F11: variants seen among roughly 807,000 people sequenced by gnomAD.
F11 encodes coagulation factor XI.
Under a neutral mutation model 76.5 loss-of-function variants are expected in F11, and 78 were observed. The ratio of observed to expected loss-of-function variants is 1.02; its 90% CI spans 0.85 to 1.23. The LOEUF (loss-of-function observed/expected upper bound fraction) is 1.23. F11 is among the 50% of genes most tolerant of loss of function. The pLI is 0.00. For missense variants in F11, 742 were observed against 771.4 expected, an observed-to-expected ratio of 0.96 and a Z score of 0.45; for synonymous variants, 278 against 276.3, an observed-to-expected ratio of 1.01 and a Z score of -0.06.
chr4:186,285,864 A>G, intron 12 of F11, 51 bp downstream of exon 12: 6 of 1,583,746 alleles, frequency 3.8e-6, no homozygotes, highest in Non-Finnish European at 4.3e-6. Flanking sequence ...ACTGGATAAA[A>G]TGTTTAACAC....
intron 10 of F11, chr4:186,282,324 A>G (rs988028561): frequency 1.0e-6 from 1 of 985,440 alleles, no homozygotes; most frequent in African/African-American, 1.7e-5. Context: ...AGGAAAATAA[A>G]GTCTTACGTC....
chr4:186,288,428 C>G (rs370469759), intron 14 of F11, 25 bp from the exon 15 acceptor site: 3 of 1,613,796 alleles, frequency 1.9e-6, no homozygotes, highest in Admixed American at 1.7e-5. Flanking sequence ...ATCTGTGCAC[C>G]TTTTCTTGTC....
Position 186,289,440 on chromosome 4 carries a change from T to C in F11, c.*826T>C, listed in dbSNP as rs967615664. On this transcript the variant is annotated 3_prime_UTR_variant, in exon 15 of 15. Coordinates refer to ENST00000403665, the MANE Select transcript of F11 (RefSeq NM_000128.4). The stretch of plus-strand genomic sequence containing the variant: ...GCTCCCAAAGAGCTAGATCGTATAT[T>C]TATTTGACAAAAATCACCATAGACT... Among the ~76,000 whole-genome samples, 4 of 152,284 alleles carry C rather than the reference T, an allele frequency of 2.6e-5. No individual in the cohort carries two copies. The highest frequency in any genetic ancestry group is 9.6e-5 in the African/African-American group (4 of 41,560).
At chr4:186,273,376 TAGAA>T (rs1740125889) in intron 4 of F11, among the ~76,000 whole-genome samples, 199 bp downstream of exon 4, 1 of 152,194 alleles carries the variant, frequency 6.6e-6, no homozygotes, top group Non-Finnish European at 1.5e-5. Flanking sequence ...CTTTACCTCA[TAGAA>T]AGACATATCT....
intron 10 of F11, chr4:186,282,251 C>T: frequency 2.0e-6 from 2 of 985,232 alleles, no homozygotes; most frequent in Non-Finnish European, 2.4e-6. Flanking sequence ...TAGACTCTGG[C>T]CTGTAGAAGT....
chr4:186,283,769 C>T (rs538915414), intron 10 of F11, among the ~76,000 whole-genome samples: 6 of 152,296 alleles, frequency 3.9e-5, no homozygotes, highest in East Asian at 1.9e-4. Flanking sequence ...TCCCAGGTGA[C>T]GCTGTTGGTC....
chr4:186,276,857 G>A (rs1473532566), intron 7 of F11, among the ~76,000 whole-genome samples: 1 of 152,046 alleles, frequency 6.6e-6, no homozygotes, highest in Non-Finnish European at 1.5e-5. Flanking sequence ...CCAAAGTGCT[G>A]AGATTACAGG....
At chr4:186,276,594 T>C (rs1304975462) in intron 7 of F11, among the ~76,000 whole-genome samples, 1 of 145,828 alleles carries the variant, frequency 6.9e-6, no homozygotes, top group Non-Finnish European at 1.5e-5. Flanking sequence ...TTTTTTTTTT[T>C]TTTTTTTTTT....
chr4:186,288,549 C>T lies in F11; in HGVS notation c.1813C>T (p.Pro605Ser), dbSNP rs780933863. 6.2e-7 allele frequency: 1 copy of T among 1,614,126 alleles called. No individual in the cohort carries two copies. Among genetic ancestry groups the T allele is most frequent in the African/African-American group, 1.3e-5 (1 of 75,028 alleles). The change falls in exon 15 of 15, where the codon CCA (proline) becomes TCA (serine). Residue 605 changes from proline to serine, a missense_variant. Pro to Ser is a moderately conservative substitution (Grantham distance 74). Coordinates refer to ENST00000403665, the MANE Select transcript of F11 (RefSeq NM_000128.4). ...WGEGCAQRER[P>S]GVYTNVVEYV... The stretch of plus-strand genomic sequence containing the variant: ...CGAAGGCTGTGCTCAAAGGGAGCGG[C>T]CAGGTGTTTACACCAACGTGGTCGA...
At chr4:186,268,916 G>A (rs559131301) in intron 2 of F11, among the ~76,000 whole-genome samples, 9 of 152,228 alleles carry the variant, frequency 5.9e-5, no homozygotes, top group African/African-American at 1.9e-4. Flanking sequence ...AAATTAGAAG[G>A]CAGAAAGAAG....
At chr4:186,274,704 C>T (rs777543722) in intron 5 of F11, 3 of 223,782 alleles carry the variant, frequency 1.3e-5, no homozygotes, top group Non-Finnish European at 2.7e-5. Flanking sequence ...TTATCCTGCT[C>T]CATACTGGAT....
In F11 at chr4:186,284,243, C is replaced by T. The variant is rs138122638; in HGVS notation, c.1287C>T (p.Ala429=). Residue 429 remains alanine, a synonymous_variant, in exon 11 of 15, where the codon GCC becomes GCT. Transcript: ENST00000403665. ...TTGGAAACCAGTGGATATTAACAGC[C>T]GCTCACTGTTTCTATGGGTCAGTAC... is the stretch of plus-strand genomic sequence containing the variant. The part of the protein sequence containing the change: ...SIIGNQWILT[A]AHCFYGVESP... 86 of 1,614,112 alleles carry T rather than the reference C, an allele frequency of 5.3e-5. No individual in the cohort carries two copies. Among genetic ancestry groups the T allele is most frequent in the East Asian group, 4.2e-4 (19 of 44,884 alleles).
Position 186,271,737 on chromosome 4 carries a change from A to T in F11, c.184A>T (p.Thr62Ser). The change falls in exon 3 of 15, where the codon ACG becomes TCG. Residue 62 changes from threonine to serine, a missense_variant. Thr to Ser is a moderately conservative substitution (Grantham distance 58, BLOSUM62 1). Transcript: ENST00000403665. ...YHPRCLLFTFTAESPSEDPTR... is the reference protein window; with the variant it reads ...YHPRCLLFTFSAESPSEDPTR... ...CCCAAGATGTTTACTCTTCACTTTC[A>T]CGGCGGAATCACCATCTGAGGATCC... 1 of 1,614,166 alleles carries T rather than the reference A, an allele frequency of 6.2e-7. No homozygotes were observed. Among genetic ancestry groups the T allele is most frequent in the Non-Finnish European group, 8.5e-7 (1 of 1,180,022 alleles).
In F11 at chr4:186,271,780, T is replaced by G. The variant is rs1739984438; in HGVS notation, c.218+9T>G. 6.2e-7 allele frequency: 1 copy of G among 1,614,028 alleles called. No homozygotes were observed. Among genetic ancestry groups the G allele is most frequent in the Admixed American group, 1.7e-5 (1 of 60,004 alleles). ...GAGGATCCCACCCGATGGTAAATGC[T>G]TATGTTTCTACATCGAGGAGACAGA... On this transcript the variant is annotated intron_variant, in intron 3 of 14. Coordinates refer to ENST00000403665, the MANE Select transcript of F11 (RefSeq NM_000128.4).
rs373448626 is a variant in F11 at position 186,287,661 on chromosome 4, C to T, written c.1577-23C>T. On this transcript the variant is annotated intron_variant, in intron 13 of 14. Coordinates refer to ENST00000403665, the MANE Select transcript of F11 (RefSeq NM_000128.4). ...GTATTGTGTATGGTTATTCTACAAA[C>T]GAACCAAAAAAATTTTTTTCAGACA... is the stretch of plus-strand genomic sequence containing the variant. 4.5e-4 allele frequency: 719 copies of T among 1,589,024 alleles called. 8 individuals carry two copies. In the South Asian group the frequency reaches 5.3e-3, roughly 12 times the overall value.
intron 1 of F11, among the ~76,000 whole-genome samples, chr4:186,266,811 G>C: frequency 6.6e-6 from 1 of 152,140 alleles, no homozygotes; most frequent in East Asian, 1.9e-4. Context: ...AATTGGGGTG[G>C]GGAGAGCGGT....
At chr4:186,276,037 A>T (rs1398487045) in intron 6 of F11, 141 bp downstream of exon 6, 1 of 932,642 alleles carries the variant, frequency 1.1e-6, no homozygotes, top group Admixed American at 2.0e-5. Flanking sequence ...AGATTTCATC[A>T]TGTCCTATAC....
Position 186,286,401 on chromosome 4 carries a change from T to C in F11, c.1481-14T>C. On this transcript the variant is annotated splice_polypyrimidine_tract_variant and intron_variant, in intron 12 of 14. Transcript: ENST00000403665. ...TTTGCGTCTCATATTTAAACCACGA[T>C]TTTTTAAATTTAGATTCTCAACGAC... The C allele has an allele frequency of 1.9e-6, 3 of 1,611,716 alleles. No individual in the cohort carries two copies. The highest frequency in any genetic ancestry group is 2.5e-6 in the Non-Finnish European group (3 of 1,178,044).
chr4:186,286,504 C>T lies in F11; in HGVS notation c.1570C>T (p.Leu524=). Residue 524 remains leucine, a synonymous_variant, in exon 13 of 15, where the codon CTA becomes TTA. Transcript: ENST00000403665. ...GGTGACTGGATGGGGGTACAGAAAA[C>T]TAAGAGGTAAAAATGATGTTGTTAT... is the stretch of plus-strand genomic sequence containing the variant. ...CWVTGWGYRK[L]RDKIQNTLQK... The T allele has an allele frequency of 6.2e-7, 1 of 1,613,644 alleles. No individual in the cohort carries two copies. The highest frequency in any genetic ancestry group is 8.5e-7 in the Non-Finnish European group (1 of 1,179,770).
Sources: allele counts gnomAD v4.1 joint callset (sites outside exome capture counted in the v4.1 genomes callset), GRCh38; gene constraint gnomAD v4.1.1; transcripts MANE v1.5; gene names NCBI Gene and HGNC (gene_info 2026-07-23, HGNC 2026-07-21).